Variants in MVB12B observed in about 807,000 individuals in gnomAD.
The protein encoded by MVB12B is ESCRT-I complex subunit MVB12B.
Under a neutral mutation model 41.6 loss-of-function variants are expected in MVB12B, and 16 were observed. The ratio of observed to expected loss-of-function variants is 0.38; its 90% CI spans 0.26 to 0.58. The LOEUF (loss-of-function observed/expected upper bound fraction) is 0.58, where lower values mean the gene tolerates loss of function less well. MVB12B is among the 20% of genes least tolerant of loss of function. The probability of loss-of-function intolerance (pLI) is 0.62; values close to 1 mark genes in which losing one functional copy is unlikely to be tolerated. For synonymous variants in MVB12B, 133 were observed against 139.7 expected (o/e 0.95, Z 0.34); for missense variants, 274 against 380.2 (o/e 0.72, Z 2.32).
intron 9 of MVB12B, among the ~76,000 whole-genome samples, chr9:126,491,849 TG>T (rs1833738289): frequency 6.6e-6 from 1 of 152,046 alleles, no homozygotes; most frequent in African/African-American, 2.4e-5. Context: ...GGATATAGCT[TG>T]GGACCACCGC....
rs1353148988 is a variant in MVB12B, at chr9:126,455,887, C to CTTTCT, written c.758-25479_758-25478insCTTTT. 9.6e-4 allele frequency among the ~76,000 whole-genome samples: 99 copies of CTTTCT among 103,054 alleles called. 1 individual carries two copies. Among genetic ancestry groups the CTTTCT allele is most frequent in the African/African-American group, 3.6e-3 (91 of 25,168 alleles). The allele number at this position is 103,054 out of a possible 152,430, so 67.6% of individuals were successfully genotyped here. A position where few individuals can be genotyped will look rare whatever the true frequency, so the allele number is the denominator to read the frequency against. ...GATAGGTCGTTTTCTTTCTTTCTTT[C>CTTTCT]TTTTTTTTTTTTTTTTTTTTTGAGA... On this transcript the variant is annotated intron_variant, in intron 7 of 9. Coordinates refer to ENST00000361171, the MANE Select transcript of MVB12B (RefSeq NM_033446.3).
chr9:126,488,780 C>T (rs528774361), intron 9 of MVB12B, among the ~76,000 whole-genome samples: 230 of 152,340 alleles, frequency 1.5e-3, no homozygotes, highest in African/African-American at 5.4e-3. Flanking sequence ...CAGCCAGTGT[C>T]CCTCCTGCCA....
chr9:126,406,469 C>T (rs1831429422), intron 6 of MVB12B, among the ~76,000 whole-genome samples: 1 of 152,252 alleles, frequency 6.6e-6, no homozygotes, highest in Non-Finnish European at 1.5e-5. Context: ...CTCACGCACA[C>T]AGTCCTTTAT....
intron 6 of MVB12B, among the ~76,000 whole-genome samples, chr9:126,403,102 C>T (rs1167731862): frequency 6.6e-6 from 1 of 152,142 alleles, no homozygotes; most frequent in Non-Finnish European, 1.5e-5. Flanking sequence ...TTGCCTGTAA[C>T]CTTAAAGTCT....
At chr9:126,423,638 A>G (rs2119095694) in intron 7 of MVB12B, among the ~76,000 whole-genome samples, 1 of 152,346 alleles carries the variant, frequency 6.6e-6, no homozygotes, top group African/African-American at 2.4e-5. Flanking sequence ...TTGCTCTGCC[A>G]GGGTCCAGGA....
chr9:126,378,675 C>T (rs1285159512), intron 2 of MVB12B, among the ~76,000 whole-genome samples: 4 of 152,022 alleles, frequency 2.6e-5, no homozygotes, highest in Non-Finnish European at 4.4e-5. Flanking sequence ...CACCTCACCT[C>T]CCTGGGCCCT....
rs1344337476 is a variant in MVB12B, at chr9:126,376,430, T to G, written c.205-4634T>G. On this transcript the variant is annotated intron_variant, in intron 2 of 9. Transcript: ENST00000361171. This position sits in a 1 kb window ranked among gnomAD's most constrained non-coding sequence, Gnocchi z 4.1. ...CCCAGTGCCTGGTGACCCTTTGTTG[T>G]GGGTTGGGATTTAAGATGGAGGCAC... 4.6e-6 allele frequency: 5 copies of G among 1,084,086 alleles called. No homozygotes were observed. The East Asian group carries it at 2.9e-4, about 63-fold the overall frequency. The allele number at this position is 1,084,086 out of a possible 1,614,324, so 67.2% of individuals were successfully genotyped here.
At chr9:126,412,628 T>C (rs941034746) in intron 6 of MVB12B, among the ~76,000 whole-genome samples, 3 of 152,146 alleles carry the variant, frequency 2.0e-5, no homozygotes, top group African/African-American at 7.2e-5. Flanking sequence ...TCCAAAAAAA[T>C]TAACACTTAA....
At chr9:126,449,105 GTC>G (rs1420753424) in intron 7 of MVB12B, among the ~76,000 whole-genome samples, 1 of 152,106 alleles carries the variant, frequency 6.6e-6, no homozygotes, top group Non-Finnish European at 1.5e-5. Flanking sequence ...CCTTGCACCT[GTC>G]TCTCAAGGGG....
At chr9:126,403,523 T>G (rs932123744) in intron 6 of MVB12B, among the ~76,000 whole-genome samples, 1 of 152,246 alleles carries the variant, frequency 6.6e-6, no homozygotes, top group Non-Finnish European at 1.5e-5. Context: ...TATTTCTGTT[T>G]GATCTTACTG....
At position 126,478,583 on chromosome 9, in the gene MVB12B, A is replaced by G. The variant is rs1031416063; in HGVS notation, c.758-2786A>G. ...TTGAGGTACAAGCATAGAGGGAGGG[A>G]AGGGATGGGTAAGCCGGGAAGAGGG... is the stretch of plus-strand genomic sequence containing the variant. On this transcript the variant is annotated intron_variant, in intron 7 of 9. Transcript: ENST00000361171. This position sits in a 1 kb window ranked among gnomAD's most constrained non-coding sequence, Gnocchi z 4.2. 6.6e-6 allele frequency among the ~76,000 whole-genome samples: 1 copy of G among 152,138 alleles called. No homozygotes were observed. Among genetic ancestry groups the G allele is most frequent in the Non-Finnish European group, 1.5e-5 (1 of 68,004 alleles).
At chr9:126,443,886 A>G (rs977966275) in intron 7 of MVB12B, among the ~76,000 whole-genome samples, 7 of 152,232 alleles carry the variant, frequency 4.6e-5, no homozygotes, top group African/African-American at 1.7e-4. Context: ...TTCCCTCCCC[A>G]TCGCCAGTCC....
chr9:126,349,159 G>A (rs1477376741), intron 2 of MVB12B, among the ~76,000 whole-genome samples: 1 of 152,116 alleles, frequency 6.6e-6, no homozygotes, highest in Non-Finnish European at 1.5e-5. Context: ...AGTTAGGATT[G>A]ATTAAGTTTG....
intron 1 of MVB12B, 148 bp downstream of exon 1, chr9:126,327,158 C>T: frequency 1.4e-6 from 1 of 725,276 alleles, no homozygotes; most frequent in Non-Finnish European, 1.7e-6. Flanking sequence ...GTGCCCGGCC[C>T]GCGGCGGGGA....
At chr9:126,434,108 C>T (rs560511410) in intron 7 of MVB12B, among the ~76,000 whole-genome samples, 23 of 152,276 alleles carry the variant, frequency 1.5e-4, no homozygotes, top group South Asian at 4.2e-4. Flanking sequence ...TTTAGAACAA[C>T]GAAGCCACCT....
At position 126,386,770 on chromosome 9, in the gene MVB12B, C is replaced by T; in HGVS notation, c.409+112C>T. 1 of 741,856 alleles carries T rather than the reference C, an allele frequency of 1.3e-6. No individual in the cohort carries two copies. The highest frequency in any genetic ancestry group is 2.3e-6 in the Non-Finnish European group (1 of 434,184). 46.0% of individuals were successfully genotyped at this position (741,856 alleles called of 1,614,324 possible). A position where few individuals can be genotyped will look rare whatever the true frequency, so the allele number is the denominator to read the frequency against. On this transcript the variant is annotated intron_variant, in intron 4 of 9. Transcript: ENST00000361171. The surrounding 1 kb of genome is among the most constrained non-coding windows in gnomAD (Gnocchi z 4.3). ...TTCAGAAACACTTTTGGAGGCCTTA[C>T]TACATGCCCATGAACAAACCCTGCT...
At chr9:126,461,046 T>TTC (rs1833078190) in intron 7 of MVB12B, among the ~76,000 whole-genome samples, 1 of 152,196 alleles carries the variant, frequency 6.6e-6, no homozygotes, top group Admixed American at 6.5e-5. Flanking sequence ...GTCCCTGTTC[T>TTC]TCCCAGGCCT....
At chr9:126,448,957 C>T (rs1468830867) in intron 7 of MVB12B, among the ~76,000 whole-genome samples, 1 of 152,192 alleles carries the variant, frequency 6.6e-6, no homozygotes, top group African/African-American at 2.4e-5. Flanking sequence ...CCCATCTTCC[C>T]TGATGATACT....
chr9:126,365,140 G>A (rs1180255466), intron 2 of MVB12B, among the ~76,000 whole-genome samples: 12 of 150,586 alleles, frequency 8.0e-5, no homozygotes, highest in Admixed American at 2.0e-4. Context: ...TGCAACCTCC[G>A]CCTCCCAGGT....
Sources: gnomAD v4.1 joint callset for allele counts (sites outside exome capture counted in the v4.1 genomes callset) on GRCh38, gnomAD v4.1.1 for gene constraint, Gnocchi (gnomAD v3.1) non-coding constraint, MANE v1.5 for transcripts, NCBI Gene and HGNC (gene_info 2026-07-23, HGNC 2026-07-21) for gene names.